The following FOXO1 variants were observed in gnomAD, a reference collection of about 807,000 sequenced individuals.
FOXO1 encodes the protein forkhead box O1, also known as forkhead box protein O1.
FOXO1 carries 6 observed loss-of-function variants against 44.1 expected under a neutral mutation model. The ratio of observed to expected loss-of-function variants is 0.14; its 90% CI spans 0.07 to 0.27. FOXO1 has a LOEUF of 0.27. Among genes scored for constraint, FOXO1 ranks in the 10% least tolerant of loss-of-function variants. The probability of loss-of-function intolerance (pLI) is 1.00; values close to 1 mark genes in which losing one functional copy is unlikely to be tolerated. For synonymous variants in FOXO1, 380 were observed against 362.7 expected (o/e 1.05, Z -0.54); for missense variants, 737 against 888.8 (o/e 0.83, Z 2.17).
At chr13:40,633,850 C>T (rs1877055511) in intron 1 of FOXO1, among the ~76,000 whole-genome samples, 1 of 152,070 alleles carries the variant, frequency 6.6e-6, no homozygotes, top group Non-Finnish European at 1.5e-5. Context: ...TATAAATGGC[C>T]AAGGAAAGAA....
intron 1 of FOXO1, among the ~76,000 whole-genome samples, chr13:40,610,389 T>A (rs1876188263): frequency 6.6e-6 from 1 of 152,222 alleles, no homozygotes; most frequent in Non-Finnish European, 1.5e-5. Context: ...TAGGACATTG[T>A]GCCAGAAAAC....
intron 1 of FOXO1, among the ~76,000 whole-genome samples, chr13:40,626,185 G>C (rs1425749035): frequency 1.3e-5 from 2 of 152,074 alleles, no homozygotes; most frequent in Non-Finnish European, 2.9e-5. Context: ...TATTTAAATA[G>C]AACAACAGAA....
intron 1 of FOXO1, among the ~76,000 whole-genome samples, chr13:40,605,929 C>T (rs1282909612): frequency 6.6e-6 from 1 of 151,988 alleles, no homozygotes; most frequent in African/African-American, 2.4e-5. Context: ...GCCTAATAAT[C>T]TAGAAAACGT....
chr13:40,638,556 C>T (rs970256251), intron 1 of FOXO1, among the ~76,000 whole-genome samples: 1 of 152,000 alleles, frequency 6.6e-6, no homozygotes, highest in African/African-American at 2.4e-5. Context: ...GACTAACTCA[C>T]AAAAAGTTCC....
In FOXO1 at chr13:40,638,425, C is replaced by T. The variant is rs77563600; in HGVS notation, c.630+27158G>A. ...GCTAAAATTTGTCATTTTTAAATGT[C>T]TGTTTCATTCCCATTGTGTGTGAGA... On this transcript the variant is annotated intron_variant, in intron 1 of 2. Coordinates refer to ENST00000379561, the MANE Select transcript of FOXO1 (RefSeq NM_002015.4). Among the ~76,000 whole-genome samples, 1,132 of 152,210 alleles carry T rather than the reference C, an allele frequency of 7.4e-3. 14 individuals carry two copies. The highest frequency in any genetic ancestry group is 0.026 in the African/African-American group (1,085 of 41,546).
At chr13:40,615,357 T>G (rs1193624545) in intron 1 of FOXO1, among the ~76,000 whole-genome samples, 2 of 152,014 alleles carry the variant, frequency 1.3e-5, no homozygotes. Context: ...GCCAACATGG[T>G]GAAACCCCAT....
intron 1 of FOXO1, among the ~76,000 whole-genome samples, chr13:40,595,246 G>A (rs1419183534): frequency 6.6e-6 from 1 of 152,186 alleles, no homozygotes; most frequent in African/African-American, 2.4e-5. Flanking sequence ...AGCTTTAAAA[G>A]AGCTTGACAC....
chr13:40,601,474 T>C (rs1875812286), intron 1 of FOXO1, among the ~76,000 whole-genome samples: 1 of 152,198 alleles, frequency 6.6e-6, no homozygotes, highest in South Asian at 2.1e-4. Context: ...TTTTGTTTAA[T>C]TAAAACAATA....
At chr13:40,628,317 G>T (rs574952607) in intron 1 of FOXO1, among the ~76,000 whole-genome samples, 1 of 151,058 alleles carries the variant, frequency 6.6e-6, no homozygotes, top group East Asian at 1.9e-4. Flanking sequence ...TTCTAAATAT[G>T]TGCAGATTAT....
At chr13:40,619,407 A>G in intron 1 of FOXO1, 1 of 865,038 alleles carries the variant, frequency 1.2e-6, no homozygotes, top group Non-Finnish European at 1.9e-6. Flanking sequence ...TTCGGGGCAC[A>G]GGAAATGCAA....
intron 1 of FOXO1, among the ~76,000 whole-genome samples, chr13:40,585,663 T>A (rs1875137113): frequency 6.6e-6 from 1 of 152,200 alleles, no homozygotes; most frequent in South Asian, 2.1e-4. Context: ...TCTGCGGAAA[T>A]AATTGATTCA....
At chr13:40,564,419 C>T (rs1007809870) in intron 1 of FOXO1, among the ~76,000 whole-genome samples, 13 of 152,092 alleles carry the variant, frequency 8.5e-5, no homozygotes, top group Admixed American at 6.5e-5. Context: ...TTTTTCCGAA[C>T]AGGAAAAGGT....
chr13:40,620,100 T>C (rs777058643), intron 1 of FOXO1: 1 of 1,108,266 alleles, frequency 9.0e-7, no homozygotes, highest in Non-Finnish European at 1.4e-6. Flanking sequence ...TAGAGCAAGA[T>C]AGAGAACACA....
chr13:40,659,464 A>ATT (rs781449389), intron 1 of FOXO1, among the ~76,000 whole-genome samples: 2 of 146,710 alleles, frequency 1.4e-5, no homozygotes, highest in African/African-American at 5.0e-5. Context: ...CTCTCCCTTG[A>ATT]TTTTTTTTTT....
intron 1 of FOXO1, among the ~76,000 whole-genome samples, chr13:40,578,386 C>G (rs1394053191): frequency 6.6e-6 from 1 of 152,150 alleles, no homozygotes; most frequent in East Asian, 1.9e-4. Context: ...AATTCCTACT[C>G]GGTATGAAAT....
chr13:40,636,313 G>A (rs899701314), intron 1 of FOXO1, among the ~76,000 whole-genome samples: 1 of 152,034 alleles, frequency 6.6e-6, no homozygotes, highest in Non-Finnish European at 1.5e-5. Context: ...CTACCTCTCT[G>A]GGTCTCCATT....
At chr13:40,610,734 A>G (rs1228630874) in intron 1 of FOXO1, among the ~76,000 whole-genome samples, 5 of 152,258 alleles carry the variant, frequency 3.3e-5, no homozygotes, top group South Asian at 2.1e-4. Flanking sequence ...GCATGTTTCA[A>G]TATAGGCTAT....
chr13:40,645,106 T>A (rs778196330), intron 1 of FOXO1, among the ~76,000 whole-genome samples: 6 of 152,242 alleles, frequency 3.9e-5, no homozygotes, highest in Non-Finnish European at 7.3e-5. Flanking sequence ...ACCTTGGTAT[T>A]TCTGCATGAG....
At chr13:40,646,816 T>A (rs983355172) in intron 1 of FOXO1, among the ~76,000 whole-genome samples, 6 of 151,842 alleles carry the variant, frequency 4.0e-5, no homozygotes, top group African/African-American at 1.5e-4. Context: ...GTGGTCTCGA[T>A]CTCCTGACCT....
Sources: allele counts gnomAD v4.1 joint callset (sites outside exome capture counted in the v4.1 genomes callset), GRCh38; gene constraint gnomAD v4.1.1; transcripts MANE v1.5; gene names NCBI Gene and HGNC (gene_info 2026-07-23, HGNC 2026-07-21).